Variants in UBAC2 observed in about 807,000 individuals in gnomAD.
UBAC2 encodes ubiquitin-associated domain-containing protein 2.
UBAC2 carries 26 observed loss-of-function variants against 44.0 expected under a neutral mutation model. That is an observed-to-expected ratio of 0.59 (90% CI 0.43 to 0.82). The LOEUF (loss-of-function observed/expected upper bound fraction) is 0.82, where lower values mean the gene tolerates loss of function less well. UBAC2 is among the 40% of genes least tolerant of loss of function. The pLI is 0.00. For synonymous variants in UBAC2, 155 were observed against 154.3 expected, an observed-to-expected ratio of 1.00 and a Z score of -0.04; for missense variants, 329 against 419.4, an observed-to-expected ratio of 0.78 and a Z score of 1.88.
chr13:99,347,330 C>CGCT (rs1231578773), intron 7 of UBAC2, among the ~76,000 whole-genome samples: 3 of 84,800 alleles, frequency 3.5e-5, no homozygotes, highest in African/African-American at 1.0e-4. Context: ...CCCCCCCCCC[C>CGCT]CCCCAGGAAA....
At chr13:99,336,598 C>G (rs747698022) in intron 6 of UBAC2, among the ~76,000 whole-genome samples, 1 of 152,066 alleles carries the variant, frequency 6.6e-6, no homozygotes, top group Middle Eastern at 3.2e-3. Flanking sequence ...TACCAGGTGC[C>G]CTTACACTGA....
At chr13:99,330,557 G>A (rs2044703313) in intron 6 of UBAC2, among the ~76,000 whole-genome samples, 1 of 150,304 alleles carries the variant, frequency 6.7e-6, no homozygotes, top group African/African-American at 2.4e-5. Flanking sequence ...TAGCTTTTCT[G>A]TGGATTCCTT....
At chr13:99,378,145 G>C (rs953314312) in intron 8 of UBAC2, among the ~76,000 whole-genome samples, 1 of 152,104 alleles carries the variant, frequency 6.6e-6, no homozygotes, top group East Asian at 1.9e-4. Context: ...CATCACTGTT[G>C]TCACAGTCAC....
intron 4 of UBAC2, among the ~76,000 whole-genome samples, chr13:99,248,165 T>G (rs1226785518): frequency 6.6e-6 from 1 of 152,162 alleles, no homozygotes; most frequent in Non-Finnish European, 1.5e-5. Flanking sequence ...GCTTCCCAGC[T>G]GTCTATTTCC....
chr13:99,345,754 T>C (rs955016391), intron 7 of UBAC2, among the ~76,000 whole-genome samples: 1 of 149,496 alleles, frequency 6.7e-6, no homozygotes, highest in Non-Finnish European at 1.5e-5. Context: ...TTTTTTTTTT[T>C]TTTTTTGAGA....
In UBAC2 at chr13:99,243,517, G is replaced by A. The variant is rs559821714; in HGVS notation, c.160-315G>A. 6.6e-5 allele frequency among the ~76,000 whole-genome samples: 10 copies of A among 151,976 alleles called. No individual in the cohort carries two copies. The South Asian group carries it at 2.1e-3, about 32-fold the overall frequency. On this transcript the variant is annotated intron_variant, in intron 2 of 8. Transcript: ENST00000403766. ...TTGTTAGCCTTTCATTCTAGTTTAC[G>A]TATATAATTTTAAAAAATCTTACTA...
At chr13:99,279,415 C>T (rs1401083316) in intron 4 of UBAC2, among the ~76,000 whole-genome samples, 3 of 152,116 alleles carry the variant, frequency 2.0e-5, no homozygotes, top group Non-Finnish European at 4.4e-5. Context: ...CTTTGACTAC[C>T]CCCACCCTCA....
chr13:99,340,623 T>A (rs2044871772), intron 7 of UBAC2, 58 bp downstream of exon 7: 1 of 1,562,956 alleles, frequency 6.4e-7, no homozygotes, highest in Non-Finnish European at 8.7e-7. Context: ...AAGCAAATCT[T>A]TCCTCTGTGA....
At position 99,228,058 on chromosome 13, in the gene UBAC2, G is replaced by A. The variant is rs1244904709; in HGVS notation, c.32-10369G>A. ...CAGATGGGTGACTTTTTTGAGTCAT[G>A]TTGAGTTGCTCAGAAGCTGGCAAGG... On this transcript the variant is annotated intron_variant, in intron 1 of 8. Transcript: ENST00000403766. Among the ~76,000 whole-genome samples, 6 of 152,264 alleles carry A rather than the reference G, an allele frequency of 3.9e-5. No homozygotes were observed. In the East Asian group the frequency reaches 1.2e-3, roughly 29 times the overall value.
At chr13:99,277,611 C>T (rs753040641) in intron 4 of UBAC2, among the ~76,000 whole-genome samples, 1 of 152,182 alleles carries the variant, frequency 6.6e-6, no homozygotes, top group Non-Finnish European at 1.5e-5. Flanking sequence ...GTTGTGAAAT[C>T]ATTTTTTTCT....
chr13:99,201,856 G>A (rs992108407), intron 1 of UBAC2, among the ~76,000 whole-genome samples: 1 of 152,126 alleles, frequency 6.6e-6, no homozygotes, highest in African/African-American at 2.4e-5. Context: ...CGGATCACGA[G>A]GTCAGGAGAT....
In UBAC2 at chr13:99,240,711, T is replaced by G. The variant is rs373965776; in HGVS notation, c.159+2157T>G. 1.3e-3 allele frequency among the ~76,000 whole-genome samples: 193 copies of G among 152,218 alleles called. 2 individuals carry two copies. Among genetic ancestry groups the G allele is most frequent in the African/African-American group, 4.5e-3 (188 of 41,482 alleles). ...AGTGTGACTCCGGTACTGTTTCTCC[T>G]TGAGCCCAGCTATGGCCTCAACACA... On this transcript the variant is annotated intron_variant, in intron 2 of 8. Coordinates refer to ENST00000403766, the MANE Select transcript of UBAC2 (RefSeq NM_001144072.2).
chr13:99,351,490 A>G, intron 7 of UBAC2: 1 of 455,344 alleles, frequency 2.2e-6, no homozygotes, highest in Non-Finnish European at 4.4e-6. Context: ...ACAGAAAAAT[A>G]TTTGCCAGTC....
chr13:99,279,119 G>A (rs1038492957), intron 4 of UBAC2, among the ~76,000 whole-genome samples: 1 of 152,050 alleles, frequency 6.6e-6, no homozygotes, highest in Non-Finnish European at 1.5e-5. Context: ...CTCTCGGCTT[G>A]CCACCTCTTT....
Position 99,286,687 on chromosome 13 carries a change from C to G in UBAC2, c.390-27410C>G, listed in dbSNP as rs148155282. Among the ~76,000 whole-genome samples the G allele has an allele frequency of 3.8e-3, 578 of 152,240 alleles. 6 individuals carry two copies. Among genetic ancestry groups the G allele is most frequent in the South Asian group, 0.011 (52 of 4,826 alleles). On this transcript the variant is annotated intron_variant, in intron 4 of 8. Transcript: ENST00000403766. ...CAACAAGCAGTCCCCAGTGTCTATT[C>G]TGTTGTTCCTATCTTCGTGTCCATG...
intron 1 of UBAC2, among the ~76,000 whole-genome samples, chr13:99,218,835 C>T (rs533294217): frequency 1.3e-5 from 2 of 152,294 alleles, no homozygotes; most frequent in South Asian, 4.1e-4. Flanking sequence ...GCACTCATTC[C>T]TCCTTAACGT....
chr13:99,270,043 A>G (rs2043796375), intron 4 of UBAC2, among the ~76,000 whole-genome samples: 2 of 152,216 alleles, frequency 1.3e-5, no homozygotes, highest in Non-Finnish European at 2.9e-5. Context: ...AATTTTTCCT[A>G]AACAACACAA....
chr13:99,351,538 G>A (rs1246506662), intron 7 of UBAC2: 2 of 456,718 alleles, frequency 4.4e-6, no homozygotes, highest in Admixed American at 4.7e-5. Context: ...AGCTTTCAAA[G>A]TAACCTTTTA....
intron 7 of UBAC2, among the ~76,000 whole-genome samples, chr13:99,356,555 A>G (rs2045186710): frequency 6.6e-6 from 1 of 152,252 alleles, no homozygotes; most frequent in South Asian, 2.1e-4. Context: ...GAAACCACAA[A>G]GGAAAAGTGA....
Sources: allele counts gnomAD v4.1 joint callset (sites outside exome capture counted in the v4.1 genomes callset), GRCh38; gene constraint gnomAD v4.1.1; transcripts MANE v1.5; gene names NCBI Gene and HGNC (gene_info 2026-07-23, HGNC 2026-07-21).